The following DMWD variants were observed in gnomAD, a reference collection of about 807,000 sequenced individuals.
The protein encoded by DMWD is dystrophia myotonica WD repeat-containing protein.
DMWD carries 19 observed loss-of-function variants against 45.8 expected under a neutral mutation model. The ratio of observed to expected loss-of-function variants is 0.41; its 90% CI spans 0.29 to 0.61. DMWD has a LOEUF of 0.61. Ranked by LOEUF, DMWD falls within the 20% of genes least tolerant of loss-of-function variation. The pLI is 0.25. For synonymous variants in DMWD, 515 were observed against 440.5 expected, an observed-to-expected ratio of 1.17 and a Z score of -2.12; for missense variants, 802 against 965.2, an observed-to-expected ratio of 0.83 and a Z score of 2.24.
At position 45,792,526 on chromosome 19, in the gene DMWD, C is replaced by T. The variant is rs953570577; in HGVS notation, c.231G>A (p.Ala77=). 9 of 1,138,610 alleles carry T rather than the reference C, an allele frequency of 7.9e-6. No homozygotes were observed. The highest frequency in any genetic ancestry group is 5.0e-5 in the Admixed American group (1 of 20,186). 70.5% of individuals were successfully genotyped at this position (1,138,610 alleles called of 1,614,324 possible). Residue 77 remains alanine (A), a synonymous_variant, in exon 1 of 5, where the codon GCG becomes GCA. Coordinates refer to ENST00000270223, the MANE Select transcript of DMWD (RefSeq NM_004943.2). ...CGGGGCCTGCGGGCGGCGGGGACGA[C>T]GCGGGGCCTGCAGCGCCGGGACCGG... The part of the protein sequence containing the change: ...SASGPGAAGP[A]SSPPPAGPGP...
Position 45,784,770 on chromosome 19 carries a change from C to T in DMWD, c.1903-55G>A, listed in dbSNP as rs1005248554. 63 of 1,590,470 alleles carry T rather than the reference C, an allele frequency of 4.0e-5. No homozygotes were observed. The Admixed American group carries it at 1.1e-3, about 27-fold the overall frequency. On this transcript the variant is annotated intron_variant, in intron 3 of 4. Coordinates refer to ENST00000270223, the MANE Select transcript of DMWD (RefSeq NM_004943.2). ...CTCAACCAGACTCCCCAAATCCCAC[C>T]ACTCTTGCCTCTGAGTCACTCAGAC...
Position 45,784,633 on chromosome 19 carries a change from A to G in DMWD, c.1977+8T>C. The stretch of plus-strand genomic sequence containing the variant: ...GGTGCTGGGGAAAGAACTCAGGGAC[A>G]GTCCTACCTCTACCACTGACTTGCT... On this transcript the variant is annotated splice_region_variant and intron_variant, in intron 4 of 4. Coordinates refer to ENST00000270223, the MANE Select transcript of DMWD (RefSeq NM_004943.2). 1 of 1,613,748 alleles carries G rather than the reference A, an allele frequency of 6.2e-7. No individual in the cohort carries two copies. The highest frequency in any genetic ancestry group is 2.2e-5 in the East Asian group (1 of 44,884).
At chr19:45,787,054 TC>T (rs1233727329) in intron 2 of DMWD, 183 bp from the exon 3 acceptor site, 1 of 1,112,290 alleles carries the variant, frequency 9.0e-7, no homozygotes, top group Admixed American at 2.8e-5. Flanking sequence ...GGACACCAGG[TC>T]ATGGAAACAT....
chr19:45,785,191 C>T (rs1188076915), intron 3 of DMWD: 5 of 1,023,904 alleles, frequency 4.9e-6, no homozygotes, highest in Non-Finnish European at 5.8e-6. Context: ...GCCATGCCCA[C>T]AGGCTTGAGC....
chr19:45,784,224 G>T lies in DMWD; in HGVS notation c.*19C>A. 1 of 1,562,786 alleles carries T rather than the reference G, an allele frequency of 6.4e-7. No homozygotes were observed. On this transcript the variant is annotated 3_prime_UTR_variant, in exon 5 of 5. Transcript: ENST00000270223. ...GGAGGCTGGGGGCATGGGGTTGGGG[G>T]GGCCCGATATCCATGGCTTCACACC...
intron 1 of DMWD, 54 bp downstream of exon 1, chr19:45,792,262 C>G (rs2146276343): frequency 6.4e-7 from 1 of 1,572,074 alleles, no homozygotes; most frequent in Middle Eastern, 1.7e-4. Flanking sequence ...CCTATCAGTT[C>G]TCTGGAACCT....
rs776094993 is a variant in DMWD, at chr19:45,784,165, T to C, written c.*78A>G. ...ATCATGGTTAGTCTTGTTAATACGT[T>C]GATCTGTGAGGTCAGCAGGGAGGGT... On this transcript the variant is annotated 3_prime_UTR_variant, in exon 5 of 5. Transcript: ENST00000270223. The C allele has an allele frequency of 7.7e-7, 1 of 1,306,680 alleles. No individual in the cohort carries two copies. Among genetic ancestry groups the C allele is most frequent in the Non-Finnish European group, 1.1e-6 (1 of 914,446 alleles). The allele number at this position is 1,306,680 out of a possible 1,614,324, so 80.9% of individuals were successfully genotyped here.
rs143398622 is a variant in DMWD, at chr19:45,791,481, A to C, written c.442-394T>G. The stretch of plus-strand genomic sequence containing the variant: ...AGTACCACACTATTCCAAGACCCCC[A>C]AACCTTGAGGTCACCCAAATTTCCA... On this transcript the variant is annotated intron_variant, in intron 1 of 4. Transcript: ENST00000270223. Among the ~76,000 whole-genome samples, 24 of 152,124 alleles carry C rather than the reference A, an allele frequency of 1.6e-4. No homozygotes were observed. The East Asian group carries it at 4.6e-3, about 29-fold the overall frequency.
In DMWD at chr19:45,784,006, G is replaced by A. The variant is rs1234687090; in HGVS notation, c.*237C>T. Reference sequence around the variant, plus strand: ...ATGAGGGTAACACTGATGTTTCAGAGGAAGAGGTCATTGTACTTGGCAGTG... The same window carrying A: ...ATGAGGGTAACACTGATGTTTCAGAAGAAGAGGTCATTGTACTTGGCAGTG... On this transcript the variant is annotated 3_prime_UTR_variant, in exon 5 of 5. Transcript: ENST00000270223. The A allele has an allele frequency of 3.1e-6, 2 of 641,764 alleles. No individual in the cohort carries two copies. The highest frequency in any genetic ancestry group is 2.9e-5 in the Admixed American group (1 of 34,424). 39.8% of individuals were successfully genotyped at this position (641,764 alleles called of 1,614,324 possible). A position where few individuals can be genotyped will look rare whatever the true frequency, so the allele number is the denominator to read the frequency against.
chr19:45,783,661 G>C lies in DMWD; in HGVS notation c.*582C>G, dbSNP rs1970216719. The C allele has an allele frequency of 2.5e-6, 1 of 401,016 alleles. No individual in the cohort carries two copies. The highest frequency in any genetic ancestry group is 4.4e-6 in the Non-Finnish European group (1 of 227,656). The allele number at this position is 401,016 out of a possible 1,614,324, so 24.8% of individuals were successfully genotyped here. On this transcript the variant is annotated 3_prime_UTR_variant, in exon 5 of 5. Transcript: ENST00000270223. ...CTGCACTCCTCCTCTGGGGAAAGCG[G>C]ACTGCCTAGAACCACAGAGTACACA...
intron 2 of DMWD, among the ~76,000 whole-genome samples, chr19:45,788,946 A>C (rs948433750): frequency 6.6e-6 from 1 of 151,846 alleles, no homozygotes; most frequent in African/African-American, 2.4e-5. Flanking sequence ...AAAAAAAAAA[A>C]AATGCCCTTC....
chr19:45,792,538 A>G lies in DMWD; in HGVS notation c.219T>C (p.Ala73=). 8.7e-7 allele frequency: 1 copy of G among 1,150,682 alleles called. No individual in the cohort carries two copies. The highest frequency in any genetic ancestry group is 1.1e-6 in the Non-Finnish European group (1 of 935,988). The allele number at this position is 1,150,682 out of a possible 1,614,324, so 71.3% of individuals were successfully genotyped here. ...GCGGCGGGGACGACGCGGGGCCTGC[A>G]GCGCCGGGACCGGAGGCGGAGGCAG... is the stretch of plus-strand genomic sequence containing the variant. ...PGPASASGPG[A]AGPASSPPPA... is the part of the protein sequence containing the mutation. The change falls in exon 1 of 5, where the codon GCT becomes GCC. Residue 73 remains alanine (A), a synonymous_variant. Transcript: ENST00000270223.
At chr19:45,784,605 T>C (rs1970244646) in intron 4 of DMWD, 36 bp downstream of exon 4, 1 of 1,613,778 alleles carries the variant, frequency 6.2e-7, no homozygotes, top group Admixed American at 1.7e-5. Flanking sequence ...GGAGGGACCC[T>C]GAGGTGCTGG....
In DMWD at chr19:45,786,701, G is replaced by A. The variant is rs771559492; in HGVS notation, c.795C>T (p.Val265=). ...SLLKQGEGFS[V]YAAKSKAPRN... ...GGGGTGCCTTGCTCTTGGCAGCATA[G>A]ACAGAGAAGCCCTCGCCCTGCTTCA... Residue 265 remains valine, a synonymous_variant, in exon 3 of 5, where the codon GTC becomes GTT. Transcript: ENST00000270223. 5 of 1,612,176 alleles carry A rather than the reference G, an allele frequency of 3.1e-6. No homozygotes were observed. In the Admixed American group the frequency reaches 5.0e-5, roughly 16 times the overall value.
In DMWD at chr19:45,784,221, G is replaced by A; in HGVS notation, c.*22C>T. 6.4e-7 allele frequency: 1 copy of A among 1,565,798 alleles called. No homozygotes were observed. Among genetic ancestry groups the A allele is most frequent in the East Asian group, 2.3e-5 (1 of 43,622 alleles). ...CTAGGAGGCTGGGGGCATGGGGTTG[G>A]GGGGGCCCGATATCCATGGCTTCAC... On this transcript the variant is annotated 3_prime_UTR_variant, in exon 5 of 5. Transcript: ENST00000270223.
At chr19:45,784,989 C>A (rs559807819) in intron 3 of DMWD, among the ~76,000 whole-genome samples, 4 of 152,322 alleles carry the variant, frequency 2.6e-5, no homozygotes, top group South Asian at 4.1e-4. Context: ...CCACAGCCCA[C>A]CCAGGAGGCA....
intron 1 of DMWD, among the ~76,000 whole-genome samples, 181 bp downstream of exon 1, chr19:45,792,135 C>A (rs1025160485): frequency 3.9e-5 from 6 of 152,216 alleles, no homozygotes; most frequent in Non-Finnish European, 7.3e-5. Context: ...CTGCCCAGCA[C>A]CCCGCGGGCC....
Position 45,785,827 on chromosome 19 carries a change from T to TGCC in DMWD, c.1666_1668dup (p.Gly556dup). On this transcript the variant is annotated inframe_insertion, in exon 3 of 5. Coordinates refer to ENST00000270223, the MANE Select transcript of DMWD (RefSeq NM_004943.2). ...CTGGGCTTCTCCCCACCACTGCCAC[T>TGCC]GCCGCCACTGCCACCCCGGCTGATG... The TGCC allele has an allele frequency of 1.2e-6, 2 of 1,610,818 alleles. No individual in the cohort carries two copies. Among genetic ancestry groups the TGCC allele is most frequent in the Non-Finnish European group, 1.7e-6 (2 of 1,179,594 alleles).
At chr19:45,791,987 C>G (rs1350170468) in intron 1 of DMWD, among the ~76,000 whole-genome samples, 1 of 152,142 alleles carries the variant, frequency 6.6e-6, no homozygotes, top group Non-Finnish European at 1.5e-5. Context: ...TTCCCCATTA[C>G]CTGCAGAATG....
Sources: allele counts gnomAD v4.1 joint callset (sites outside exome capture counted in the v4.1 genomes callset), GRCh38; gene constraint gnomAD v4.1.1; transcripts MANE v1.5; gene names NCBI Gene and HGNC (gene_info 2026-07-23, HGNC 2026-07-21).